The following MIPEP variants were observed in gnomAD, a reference collection of about 807,000 sequenced individuals.
MIPEP encodes the protein mitochondrial intermediate peptidase.
MIPEP carries 79 observed loss-of-function variants against 90.3 expected under a neutral mutation model. The ratio of observed to expected loss-of-function variants is 0.87; its 90% CI spans 0.73 to 1.05. MIPEP has a LOEUF of 1.05. Ranked by LOEUF, MIPEP falls within the 50% of genes least tolerant of loss-of-function variation. The pLI, the probability that MIPEP is intolerant of heterozygous loss-of-function variation, is 0.00. For synonymous variants in MIPEP, 334 were observed against 315.8 expected (o/e 1.06, Z -0.61); for missense variants, 940 against 905.6 (o/e 1.04, Z -0.49).
At chr13:23,731,461 C>G (rs879222625) in intron 18 of MIPEP, among the ~76,000 whole-genome samples, 1 of 152,028 alleles carries the variant, frequency 6.6e-6, no homozygotes, top group African/African-American at 2.4e-5. Context: ...AGAAAACTAG[C>G]CTTGACTCCT....
chr13:23,839,601 G>T, intron 12 of MIPEP, 48 bp downstream of exon 12: 1 of 1,274,586 alleles, frequency 7.8e-7, no homozygotes, highest in South Asian at 1.6e-5. Context: ...CAATACAAAT[G>T]AAATGCCGAT....
chr13:23,739,783 G>A (rs1346166174), intron 18 of MIPEP, among the ~76,000 whole-genome samples: 2 of 151,440 alleles, frequency 1.3e-5, no homozygotes, highest in African/African-American at 4.9e-5. Context: ...CAGACTGAAC[G>A]TCTGCTCATG....
intron 2 of MIPEP, among the ~76,000 whole-genome samples, chr13:23,883,059 A>C (rs1441233187): frequency 1.3e-5 from 2 of 152,204 alleles, no homozygotes; most frequent in African/African-American, 4.8e-5. Flanking sequence ...GCCTTATAAC[A>C]GTACTAATCT....
chr13:23,760,751 A>T (rs143271818), intron 16 of MIPEP, among the ~76,000 whole-genome samples: 2 of 152,350 alleles, frequency 1.3e-5, no homozygotes, highest in East Asian at 3.9e-4. Flanking sequence ...ATACACAAAG[A>T]AAATTTTGTA....
At chr13:23,859,925 T>C (rs1323893812) in intron 9 of MIPEP, among the ~76,000 whole-genome samples, 1 of 152,258 alleles carries the variant, frequency 6.6e-6, no homozygotes, top group East Asian at 1.9e-4. Context: ...AAGATACTTG[T>C]AGGCTTATTT....
At chr13:23,864,419 C>T (rs1227542613) in intron 7 of MIPEP, among the ~76,000 whole-genome samples, 1 of 152,028 alleles carries the variant, frequency 6.6e-6, no homozygotes, top group Admixed American at 6.6e-5. Context: ...TAATCCACAG[C>T]GTCAGATTCT....
intron 14 of MIPEP, among the ~76,000 whole-genome samples, chr13:23,811,882 T>TC (rs1234885807): frequency 1.3e-5 from 2 of 152,002 alleles, no homozygotes; most frequent in African/African-American, 4.8e-5. Context: ...AACTCTAGCC[T>TC]CCAAGTTCTC....
Position 23,862,363 on chromosome 13 carries a change from C to A in MIPEP, c.993-1G>T. The A allele has an allele frequency of 6.4e-7, 1 of 1,562,980 alleles. No individual in the cohort carries two copies. The highest frequency in any genetic ancestry group is 1.8e-5 in the Admixed American group (1 of 56,840). On this transcript the variant is annotated splice_acceptor_variant, in intron 8 of 18. Coordinates refer to ENST00000382172, the MANE Select transcript of MIPEP (RefSeq NM_005932.4). LOFTEE classifies it high-confidence loss of function. ...TATCATCTCAAAATCTTTCAGAGTT[C>A]TATAAAACAGGTTTATCATTACTTG...
At chr13:23,748,783 C>T (rs1001992906) in intron 18 of MIPEP, among the ~76,000 whole-genome samples, 7 of 152,214 alleles carry the variant, frequency 4.6e-5, no homozygotes, top group Admixed American at 3.9e-4. Context: ...AAGGCTGGTG[C>T]TTTGAGCACG....
At chr13:23,762,724 C>T (rs780596558) in intron 16 of MIPEP, among the ~76,000 whole-genome samples, 19 of 152,288 alleles carry the variant, frequency 1.2e-4, no homozygotes, top group African/African-American at 3.8e-4. Flanking sequence ...GGCACTTGCA[C>T]GGCTATTGTT....
At chr13:23,831,390 G>GGGGGGGGGGGGT in intron 14 of MIPEP, among the ~76,000 whole-genome samples, 1 of 99,208 alleles carries the variant, frequency 1.0e-5, no homozygotes, top group Admixed American at 9.7e-5. Context: ...TGGCGGGGGG[G>GGGGGGGGGGGGT]GGATGTGGAT....
intron 17 of MIPEP, among the ~76,000 whole-genome samples, chr13:23,758,819 G>A (rs539871888): frequency 2.9e-4 from 44 of 152,322 alleles, no homozygotes; most frequent in Middle Eastern, 3.4e-3. Context: ...AGAGGGTGAG[G>A]TGGAGGTGGG....
At chr13:23,745,780 T>C (rs1429422242) in intron 18 of MIPEP, among the ~76,000 whole-genome samples, 1 of 151,554 alleles carries the variant, frequency 6.6e-6, no homozygotes, top group East Asian at 2.0e-4. Context: ...ATAAAAAAAT[T>C]AGCGAAGTGT....
At chr13:23,834,040 T>C (rs1868902417) in intron 14 of MIPEP, among the ~76,000 whole-genome samples, 2 of 151,974 alleles carry the variant, frequency 1.3e-5, no homozygotes, top group Non-Finnish European at 2.9e-5. Context: ...CCCTGACCCC[T>C]TCACCAGCCG....
rs182852897 is a variant in MIPEP, at chr13:23,754,245, C to T, written c.2044+2300G>A. ...TTTTGGGGTACAGACTGACTGCCTCCAAGAAAATGAGAAGCCACTACTATG... is the reference window on the plus strand; with the variant it reads ...TTTTGGGGTACAGACTGACTGCCTCTAAGAAAATGAGAAGCCACTACTATG... On this transcript the variant is annotated intron_variant, in intron 18 of 18. Coordinates refer to ENST00000382172, the MANE Select transcript of MIPEP (RefSeq NM_005932.4). Among the ~76,000 whole-genome samples, 854 of 152,220 alleles carry T rather than the reference C, an allele frequency of 5.6e-3. 7 individuals are homozygous for T. The highest frequency in any genetic ancestry group is 9.0e-3 in the Admixed American group (138 of 15,288).
chr13:23,819,672 GT>G (rs1953281825), intron 14 of MIPEP, among the ~76,000 whole-genome samples: 1 of 151,726 alleles, frequency 6.6e-6, no homozygotes, highest in Non-Finnish European at 1.5e-5. Context: ...TATACATTTG[GT>G]CTGAAATACA....
At chr13:23,785,726 T>C (rs1482142487) in intron 16 of MIPEP, among the ~76,000 whole-genome samples, 1 of 151,570 alleles carries the variant, frequency 6.6e-6, no homozygotes, top group Non-Finnish European at 1.5e-5. Flanking sequence ...ATGCTAGCAA[T>C]AGGCAGGTAA....
intron 1 of MIPEP, among the ~76,000 whole-genome samples, chr13:23,886,829 G>GTAAA (rs1464691910): frequency 7.4e-6 from 1 of 134,788 alleles, no homozygotes. Context: ...GATCATATAT[G>GTAAA]TAAATATATA....
intron 12 of MIPEP, among the ~76,000 whole-genome samples, chr13:23,839,435 G>A (rs545575763): frequency 6.6e-6 from 1 of 152,214 alleles, no homozygotes; most frequent in Non-Finnish European, 1.5e-5. Context: ...TTAATACCAT[G>A]ACCCAGATAA....
Sources: allele counts gnomAD v4.1 joint callset (sites outside exome capture counted in the v4.1 genomes callset), GRCh38; gene constraint gnomAD v4.1.1; transcripts MANE v1.5; gene names NCBI Gene and HGNC (gene_info 2026-07-23, HGNC 2026-07-21).